The following CACNA1C variants were observed in gnomAD, a reference collection of about 807,000 sequenced individuals.
CACNA1C encodes the protein calcium voltage-gated channel subunit alpha1 C.
In CACNA1C, 30 loss-of-function variants were observed where a neutral mutation model predicts 229.0. That is an observed-to-expected ratio of 0.13 (90% CI 0.10 to 0.18). The LOEUF (loss-of-function observed/expected upper bound fraction) is 0.18, where lower values mean the gene tolerates loss of function less well. Ranked by LOEUF, CACNA1C falls within the 10% of genes least tolerant of loss-of-function variation. The probability of loss-of-function intolerance (pLI) is 1.00; values close to 1 mark genes in which losing one functional copy is unlikely to be tolerated. For missense variants in CACNA1C, 1,658 were observed against 2,845.0 expected, an observed-to-expected ratio of 0.58 and a Z score of 9.49; for synonymous variants, 1,114 against 1,132.5, an observed-to-expected ratio of 0.98 and a Z score of 0.33.
chr12:2,321,749 C>T (rs763659365), intron 3 of CACNA1C, among the ~76,000 whole-genome samples: 6 of 152,094 alleles, frequency 3.9e-5, no homozygotes, highest in Non-Finnish European at 7.3e-5. Flanking sequence ...AGGATGAAGT[C>T]CTAGCCATGT....
chr12:2,519,133 C>T (rs1598717465), intron 9 of CACNA1C, among the ~76,000 whole-genome samples: 1 of 152,232 alleles, frequency 6.6e-6, no homozygotes, highest in Non-Finnish European at 1.5e-5. Context: ...TCTTGGGGCA[C>T]ATCCCCATTT....
chr12:2,395,577 G>T (rs1045896612), intron 3 of CACNA1C, among the ~76,000 whole-genome samples: 2 of 152,130 alleles, frequency 1.3e-5, no homozygotes, highest in Non-Finnish European at 2.9e-5. Flanking sequence ...GTGGCCAGAG[G>T]CTGTAGTTAC....
At chr12:2,311,420 A>T (rs1278515671) in intron 3 of CACNA1C, among the ~76,000 whole-genome samples, 1 of 152,208 alleles carries the variant, frequency 6.6e-6, no homozygotes, top group East Asian at 1.9e-4. Flanking sequence ...CACCAAGCCA[A>T]GCAGATCAAC....
chr12:2,326,349 A>G (rs780194366), intron 3 of CACNA1C, among the ~76,000 whole-genome samples: 1 of 152,176 alleles, frequency 6.6e-6, no homozygotes, highest in Non-Finnish European at 1.5e-5. Context: ...CAAATCTTTG[A>G]ACTTTGATTC....
chr12:2,680,221 C>G (rs762616571), intron 42 of CACNA1C: 13 of 607,972 alleles, frequency 2.1e-5, no homozygotes, highest in Non-Finnish European at 3.3e-5. Flanking sequence ...GCCAGCCTCC[C>G]GGAGAGGGCA....
rs1169381874 is a variant in CACNA1C, at chr12:2,647,860, C to T, written c.3913-615C>T. On this transcript the variant is annotated intron_variant, in intron 30 of 46. Transcript: ENST00000399655. The surrounding 1 kb of genome is among the most constrained non-coding windows in gnomAD (Gnocchi z 4.2). ...AAAACAGGCTTGGCACAGTGGCTTA[C>T]ACCGGTAATCCCAGTACTTTGGGAG... 6.6e-6 allele frequency among the ~76,000 whole-genome samples: 1 copy of T among 152,188 alleles called. No individual in the cohort carries two copies. The highest frequency in any genetic ancestry group is 2.4e-5 in the African/African-American group (1 of 41,448).
intron 1 of CACNA1C, among the ~76,000 whole-genome samples, chr12:1,973,996 T>C (rs746711142): frequency 6.6e-6 from 1 of 152,182 alleles, no homozygotes; most frequent in Non-Finnish European, 1.5e-5. Flanking sequence ...TAGTTTTGTA[T>C]ATCCTTGTAG....
At position 2,005,977 on chromosome 12, in the gene CACNA1C, G is replaced by A. The variant is rs115531502; in HGVS notation, c.139+34776G>A. ...TTTTCCAACTACATTATCTACATAT[G>A]AGGCCAGAGTTTCTTCATATACTCC... On this transcript the variant is annotated intron_variant, in intron 1 of 46. Transcript: ENST00000682462. 4.3e-3 allele frequency among the ~76,000 whole-genome samples: 653 copies of A among 152,328 alleles called. 5 individuals are homozygous for A. The highest frequency in any genetic ancestry group is 0.015 in the African/African-American group (613 of 41,572).
chr12:2,348,997 T>C lies in CACNA1C; in HGVS notation c.478-99979T>C, dbSNP rs377464905. Among the ~76,000 whole-genome samples the C allele has an allele frequency of 1.3e-4, 20 of 152,134 alleles. No homozygotes were observed. In the East Asian group the frequency reaches 3.3e-3, roughly 25 times the overall value. ...AGTTAGCCCAGAATGGTGAAGAAAA[T>C]GGCTGTCACCCAAAACACACTGAAT... On this transcript the variant is annotated intron_variant, in intron 3 of 46. Coordinates refer to ENST00000399655, the MANE Select transcript of CACNA1C (RefSeq NM_000719.7). This position sits in a 1 kb window ranked among gnomAD's most constrained non-coding sequence, Gnocchi z 4.7.
chr12:2,040,169 G>A lies in CACNA1C; in HGVS notation c.139+68968G>A, dbSNP rs149798857. Among the ~76,000 whole-genome samples the A allele has an allele frequency of 1.3e-3, 197 of 150,746 alleles. 1 individual carries two copies. Among genetic ancestry groups the A allele is most frequent in the Middle Eastern group, 7.0e-3 (2 of 286 alleles). On this transcript the variant is annotated intron_variant, in intron 1 of 46. Transcript: ENST00000682462. ...AACTCCATCTATTTTTTTTTTGTTC[G>A]TTTGTTTCTGTTTTTAACATTCATG... is the stretch of plus-strand genomic sequence containing the variant.
chr12:2,114,045 T>A (rs1216532806), intron 1 of CACNA1C, among the ~76,000 whole-genome samples: 3 of 152,346 alleles, frequency 2.0e-5, no homozygotes, highest in African/African-American at 7.2e-5. Context: ...GTCTAATGAA[T>A]CACCCCAAAA....
intron 1 of CACNA1C, among the ~76,000 whole-genome samples, chr12:2,046,930 G>A (rs2051170427): frequency 6.6e-6 from 1 of 152,168 alleles, no homozygotes; most frequent in African/African-American, 2.4e-5. Context: ...CATAAGTTGT[G>A]AAGGCCTCAG....
chr12:2,074,138 T>C, intron 1 of CACNA1C, among the ~76,000 whole-genome samples: 1 of 104,650 alleles, frequency 9.6e-6, no homozygotes. Context: ...AAAAAATCAG[T>C]TGAAGTATGT....
intron 3 of CACNA1C, among the ~76,000 whole-genome samples, chr12:2,353,351 C>G (rs558175181): frequency 6.6e-6 from 1 of 152,340 alleles, no homozygotes; most frequent in East Asian, 1.9e-4. Flanking sequence ...ATGGGGACAA[C>G]CTTGTCCCCC....
chr12:2,483,639 G>A (rs988159241), intron 5 of CACNA1C, among the ~76,000 whole-genome samples: 1 of 152,162 alleles, frequency 6.6e-6, no homozygotes, highest in African/African-American at 2.4e-5. Flanking sequence ...CAAACCAGCA[G>A]GACTTGGTTA....
chr12:2,015,375 T>G (rs1470706991), intron 1 of CACNA1C, among the ~76,000 whole-genome samples: 2 of 152,196 alleles, frequency 1.3e-5, no homozygotes, highest in Non-Finnish European at 2.9e-5. Context: ...GGGAAAGCTG[T>G]CTGGAGTCAG....
At chr12:2,560,112 C>T (rs746188955) in intron 11 of CACNA1C, among the ~76,000 whole-genome samples, 7 of 152,196 alleles carry the variant, frequency 4.6e-5, no homozygotes, top group Non-Finnish European at 8.8e-5. Context: ...GCGGCTGCCA[C>T]GCAAGGCCAC....
chr12:2,123,375 C>CAAA (rs397761587), intron 3 of CACNA1C, among the ~76,000 whole-genome samples: 975 of 72,114 alleles, frequency 0.014, 39 homozygotes, highest in African/African-American at 0.048. Flanking sequence ...GACTCCATCT[C>CAAA]AAAAAAAAAA....
At chr12:2,166,782 G>A (rs533069314) in intron 3 of CACNA1C, among the ~76,000 whole-genome samples, 16 of 152,324 alleles carry the variant, frequency 1.1e-4, no homozygotes, top group South Asian at 4.2e-4. Context: ...TAGTAGGCAC[G>A]TTGGAACTGA....
Sources: allele counts gnomAD v4.1 joint callset (sites outside exome capture counted in the v4.1 genomes callset), GRCh38; gene constraint gnomAD v4.1.1; non-coding constraint Gnocchi (gnomAD v3.1); transcripts MANE v1.5; gene names NCBI Gene and HGNC (gene_info 2026-07-23, HGNC 2026-07-21).